The following FAM227A variants were observed in gnomAD, a reference collection of about 807,000 sequenced individuals.
FAM227A encodes the protein protein FAM227A.
FAM227A carries 80 observed loss-of-function variants against 74.7 expected under a neutral mutation model. The ratio of observed to expected loss-of-function variants is 1.07; its 90% CI spans 0.89 to 1.29. The LOEUF (loss-of-function observed/expected upper bound fraction) is 1.29, where lower values mean the gene tolerates loss of function less well. Among genes scored for constraint, FAM227A ranks in the 50% most tolerant of loss-of-function variants. FAM227A has a pLI of 0.00. For missense variants in FAM227A, 654 were observed against 683.4 expected (o/e 0.96, Z 0.48); for synonymous variants, 237 against 241.8 (o/e 0.98, Z 0.19).
chr22:38,599,573 G>A (rs1327710642), intron 14 of FAM227A, among the ~76,000 whole-genome samples, 191 bp downstream of exon 14: 5 of 152,210 alleles, frequency 3.3e-5, no homozygotes, highest in Non-Finnish European at 7.3e-5. Flanking sequence ...TCACGAGGCT[G>A]GCTCTAGATT....
chr22:38,627,322 C>A (rs1203958727), intron 8 of FAM227A, among the ~76,000 whole-genome samples: 2 of 151,934 alleles, frequency 1.3e-5, no homozygotes, highest in Non-Finnish European at 2.9e-5. Flanking sequence ...AATCCCAGCA[C>A]TTTGGGAGGC....
intron 3 of FAM227A, among the ~76,000 whole-genome samples, chr22:38,642,514 A>G (rs1221890870): frequency 1.3e-5 from 2 of 152,250 alleles, no homozygotes; most frequent in East Asian, 1.9e-4. Flanking sequence ...GAAGGAAATG[A>G]TAAGTTAGAT....
At chr22:38,605,519 G>A (rs1467440029) in intron 12 of FAM227A, among the ~76,000 whole-genome samples, 171 bp from the exon 13 acceptor site, 2 of 152,080 alleles carry the variant, frequency 1.3e-5, no homozygotes, top group East Asian at 3.9e-4. Flanking sequence ...CAAACTCCTG[G>A]ACTCAAGTGA....
chr22:38,628,922 C>A lies in FAM227A; in HGVS notation c.533G>T (p.Gly178Val), dbSNP rs1360499866. The change falls in exon 7 of 17, where the codon GGT (glycine) becomes GTT (valine). Residue 178 changes from glycine (G) to valine (V), a missense_variant. Physicochemically the swap from Gly to Val is moderately radical, Grantham distance 109. Transcript: ENST00000535113. ...DCLSGKHFCSGRELEKFLSSS... is the reference protein window; with the variant it reads ...DCLSGKHFCSVRELEKFLSSS... ...AGAGAGAAACTTCTCTAATTCTCTA[C>A]CTGAACAGAAATGCTTGGAAAAAAA... The A allele has an allele frequency of 6.5e-7, 1 of 1,528,196 alleles. No homozygotes were observed. Among genetic ancestry groups the A allele is most frequent in the African/African-American group, 1.4e-5 (1 of 71,868 alleles). The allele number at this position is 1,528,196 out of a possible 1,614,324, so 94.7% of individuals were successfully genotyped here. A position where few individuals can be genotyped will look rare whatever the true frequency, so the allele number is the denominator to read the frequency against.
rs1022064604 is a variant in FAM227A, at chr22:38,626,426, A to G, written c.727-123T>C. 6 of 1,234,450 alleles carry G rather than the reference A, an allele frequency of 4.9e-6. No homozygotes were observed. The Admixed American group carries it at 8.5e-5, about 17-fold the overall frequency. 76.5% of individuals were successfully genotyped at this position (1,234,450 alleles called of 1,614,324 possible). ...TTTGTTGTTGTTGTTGTTTAGAGACAAGGTTCTCACTGTGTTACCCAGGCT... is the reference window on the plus strand; with the variant it reads ...TTTGTTGTTGTTGTTGTTTAGAGACGAGGTTCTCACTGTGTTACCCAGGCT... On this transcript the variant is annotated intron_variant, in intron 8 of 16. Transcript: ENST00000535113.
chr22:38,587,313 C>A (rs1046782504), intron 16 of FAM227A, among the ~76,000 whole-genome samples: 1 of 151,894 alleles, frequency 6.6e-6, no homozygotes, highest in South Asian at 2.1e-4. Context: ...AATAGAAAGT[C>A]AATTGAAAGA....
chr22:38,586,083 CGGATTCTGTA>C lies in FAM227A; in HGVS notation c.*32_*41del, dbSNP rs1278253799. ...ACTCCACCTCGTAGCAGAAATATCA[CGGATTCTGTA>C]GGCGCTTCCTGGTTCTAGGTTGTGG... On this transcript the variant is annotated 3_prime_UTR_variant, in exon 17 of 17. Transcript: ENST00000535113. 10 of 1,551,930 alleles carry C rather than the reference CGGATTCTGTA, an allele frequency of 6.4e-6. No individual in the cohort carries two copies. Among genetic ancestry groups the C allele is most frequent in the Non-Finnish European group, 8.7e-6 (10 of 1,146,998 alleles).
rs142322997 is a variant in FAM227A at position 38,600,290 on chromosome 22, A to G, written c.1222-369T>C. On this transcript the variant is annotated intron_variant, in intron 13 of 16. Coordinates refer to ENST00000535113, the MANE Select transcript of FAM227A (RefSeq NM_001013647.2). ...GATGCAAAGTTTGATAGTGTTTTTT[A>G]TATGTGTGTGTGTATGTGTATGTAT... Among the ~76,000 whole-genome samples the G allele has an allele frequency of 4.8e-3, 718 of 150,494 alleles. 8 individuals carry two copies. The highest frequency in any genetic ancestry group is 0.017 in the African/African-American group (674 of 40,802).
intron 11 of FAM227A, among the ~76,000 whole-genome samples, chr22:38,611,360 C>G (rs771315678): frequency 3.3e-5 from 5 of 151,996 alleles, no homozygotes; most frequent in African/African-American, 1.2e-4. Flanking sequence ...TGTCTGGGTG[C>G]GGAGGGAGCT....
In FAM227A at chr22:38,599,905, T is replaced by C; in HGVS notation, c.1238A>G (p.Lys413Arg). The C allele has an allele frequency of 6.5e-7, 1 of 1,548,634 alleles. No individual in the cohort carries two copies. The highest frequency in any genetic ancestry group is 8.7e-7 in the Non-Finnish European group (1 of 1,145,940). ...GAGGTTTGAAGTCAGCTCAGGGCTT[T>C]TGCAGGCAGCACACGACTAAGGATG... ...MFPKKSCAACKSPELTSNLFN... is the reference protein window; with the variant it reads ...MFPKKSCAACRSPELTSNLFN... The change falls in exon 14 of 17, where the codon AAA (lysine) becomes AGA (arginine). Residue 413 changes from lysine (K) to arginine (R), a missense_variant. By Grantham distance (26) the Lys-to-Arg change is conservative. Transcript: ENST00000535113.
At chr22:38,621,684 T>G (rs760335544) in intron 10 of FAM227A, among the ~76,000 whole-genome samples, 3 of 152,118 alleles carry the variant, frequency 2.0e-5, no homozygotes, top group Non-Finnish European at 4.4e-5. Flanking sequence ...GCTCTAAGGG[T>G]TTCAGGTATT....
chr22:38,591,369 A>G, intron 16 of FAM227A, 66 bp downstream of exon 16: 1 of 1,523,688 alleles, frequency 6.6e-7, no homozygotes, highest in Admixed American at 2.3e-5. Context: ...ACATGTTCAC[A>G]CTTCTACCTT....
Position 38,650,129 on chromosome 22 carries a change from T to A in FAM227A, c.40A>T (p.Thr14Ser). 2 of 1,551,724 alleles carry A rather than the reference T, an allele frequency of 1.3e-6. No individual in the cohort carries two copies. Among genetic ancestry groups the A allele is most frequent in the Non-Finnish European group, 1.7e-6 (2 of 1,146,984 alleles). Residue 14 changes from threonine (T) to serine (S), a missense_variant, in exon 2 of 17, where the codon ACC becomes TCC. Physicochemically the swap from Thr to Ser is moderately conservative, Grantham distance 58. Transcript: ENST00000535113. ...FRKMEVINLT[T>S]LPMIPVDEHL... ...TCATCCACTGGTATCATAGGTAGGGTGGTGAGGTTGATGACCTCCATCTTC... is the reference window on the plus strand; with the variant it reads ...TCATCCACTGGTATCATAGGTAGGGAGGTGAGGTTGATGACCTCCATCTTC...
Position 38,632,503 on chromosome 22 carries a change from C to A in FAM227A, c.520-3568G>T, listed in dbSNP as rs1284331561. Among the ~76,000 whole-genome samples the A allele has an allele frequency of 2.0e-5, 3 of 152,178 alleles. No homozygotes were observed. In the South Asian group the frequency reaches 6.2e-4, roughly 31 times the overall value. On this transcript the variant is annotated intron_variant, in intron 6 of 16. Coordinates refer to ENST00000535113, the MANE Select transcript of FAM227A (RefSeq NM_001013647.2). ...CCAGATGTGGCCCCTTGATCTTGAA[C>A]CTGCCAGCCTCCAGAACTGAAAGAA...
chr22:38,646,513 C>T (rs1569241294), intron 2 of FAM227A, among the ~76,000 whole-genome samples: 2 of 151,848 alleles, frequency 1.3e-5, no homozygotes, highest in South Asian at 4.2e-4. Context: ...CCGCCCGCCT[C>T]GGCCTCCCAA....
chr22:38,585,486 A>T lies in FAM227A; in HGVS notation c.*639T>A, dbSNP rs1424827315. ...GGCTGGCAATCCCAGTGGTTAGAGG[A>T]GCAGGAGGCAAAGGTTCAGAGGCAG... On this transcript the variant is annotated 3_prime_UTR_variant, in exon 17 of 17. Coordinates refer to ENST00000535113, the MANE Select transcript of FAM227A (RefSeq NM_001013647.2). The T allele has an allele frequency of 6.6e-6, 1 of 152,342 alleles. No individual in the cohort carries two copies. The highest frequency in any genetic ancestry group is 6.5e-5 in the Admixed American group (1 of 15,282). 9.4% of individuals were successfully genotyped at this position (152,342 alleles called of 1,614,324 possible).
In FAM227A at chr22:38,645,612, T is replaced by C; in HGVS notation, c.176A>G (p.Gln59Arg). 6.4e-7 allele frequency: 1 copy of C among 1,551,394 alleles called. No individual in the cohort carries two copies. The highest frequency in any genetic ancestry group is 2.4e-5 in the East Asian group (1 of 40,894). ...ACGCAGATTTATGTCAGCAATCTTT[T>C]GGTTCACCTGGTGCATGGAGCCAAT... Reference protein sequence around the residue: ...CLIGSMHQVNQKIADINLRTE... With the variant: ...CLIGSMHQVNRKIADINLRTE... The change falls in exon 3 of 17, where the codon CAA (glutamine) becomes CGA (arginine). Residue 59 changes from glutamine to arginine, a missense_variant. By Grantham distance (43) the Gln-to-Arg change is conservative (BLOSUM62 1). Coordinates refer to ENST00000535113, the MANE Select transcript of FAM227A (RefSeq NM_001013647.2).
In FAM227A at chr22:38,586,037, A is replaced by G. The variant is rs1299352986; in HGVS notation, c.*88T>C. The G allele has an allele frequency of 1.2e-5, 18 of 1,546,470 alleles. No individual in the cohort carries two copies. The highest frequency in any genetic ancestry group is 1.6e-5 in the Non-Finnish European group (18 of 1,145,116). The stretch of plus-strand genomic sequence containing the variant: ...ATTCCTATTTCTGTCTTTGGCCACA[A>G]TTTTCTTATTTTCTTGTTCCACTCC... On this transcript the variant is annotated 3_prime_UTR_variant, in exon 17 of 17. Transcript: ENST00000535113.
intron 11 of FAM227A, among the ~76,000 whole-genome samples, chr22:38,615,550 C>G (rs1344154940): frequency 5.9e-5 from 9 of 152,124 alleles, no homozygotes; most frequent in African/African-American, 2.2e-4. Flanking sequence ...AAGAGGACAG[C>G]GAGTGCAAAG....
Sources: allele counts gnomAD v4.1 joint callset (sites outside exome capture counted in the v4.1 genomes callset), GRCh38; gene constraint gnomAD v4.1.1; transcripts MANE v1.5; gene names NCBI Gene and HGNC (gene_info 2026-07-23, HGNC 2026-07-21).